Variants in FHIT observed in about 807,000 individuals in gnomAD.
FHIT encodes bis(5'-adenosyl)-triphosphatase.
In FHIT, 19 loss-of-function variants were observed where a neutral mutation model predicts 17.9. The ratio of observed to expected loss-of-function variants is 1.06; its 90% CI spans 0.74 to 1.56. The LOEUF (loss-of-function observed/expected upper bound fraction) is 1.56, where lower values mean the gene tolerates loss of function less well. FHIT is among the 40% of genes most tolerant of loss of function. FHIT has a pLI of 0.00. For synonymous variants in FHIT, 81 were observed against 69.7 expected, an observed-to-expected ratio of 1.16 and a Z score of -0.81; for missense variants, 248 against 189.2, an observed-to-expected ratio of 1.31 and a Z score of -1.82.
At chr3:60,696,761 T>A (rs1340829155) in intron 4 of FHIT, among the ~76,000 whole-genome samples, 1 of 152,120 alleles carries the variant, frequency 6.6e-6, no homozygotes, top group Admixed American at 6.6e-5. Context: ...GAATAATAAA[T>A]CAAAAGGCTC....
At chr3:60,113,875 G>C (rs927432317) in intron 5 of FHIT, among the ~76,000 whole-genome samples, 1 of 146,114 alleles carries the variant, frequency 6.8e-6, no homozygotes, top group Non-Finnish European at 1.5e-5. Flanking sequence ...GGTGGCGGGC[G>C]CCTGTAGTCC....
At chr3:61,197,849 T>C (rs1473591319) in intron 2 of FHIT, among the ~76,000 whole-genome samples, 2 of 151,910 alleles carry the variant, frequency 1.3e-5, no homozygotes, top group Non-Finnish European at 2.9e-5. Flanking sequence ...CCGCTTCTCT[T>C]CTCATTTCCA....
intron 3 of FHIT, among the ~76,000 whole-genome samples, chr3:61,021,079 T>C (rs2032397858): frequency 6.6e-6 from 1 of 152,080 alleles, no homozygotes; most frequent in African/African-American, 2.4e-5. Flanking sequence ...CACAGAATAA[T>C]ACTGGGAGAC....
At chr3:60,372,656 A>G (rs1450648112) in intron 5 of FHIT, among the ~76,000 whole-genome samples, 1 of 152,228 alleles carries the variant, frequency 6.6e-6, no homozygotes. Context: ...ATATAAAATT[A>G]GTGACATCTA....
intron 7 of FHIT, among the ~76,000 whole-genome samples, chr3:60,002,784 A>T (rs1433920733): frequency 6.6e-6 from 1 of 152,176 alleles, no homozygotes; most frequent in Non-Finnish European, 1.5e-5. Flanking sequence ...TAAAGGGTAA[A>T]GAGAAGCGCC....
intron 7 of FHIT, among the ~76,000 whole-genome samples, chr3:59,996,632 G>T (rs1699522903): frequency 6.6e-6 from 1 of 151,896 alleles, no homozygotes; most frequent in Non-Finnish European, 1.5e-5. Context: ...GAGTCCAAAG[G>T]GCTCCAGACA....
chr3:60,311,533 T>A (rs1447258644), intron 5 of FHIT, among the ~76,000 whole-genome samples: 1 of 152,206 alleles, frequency 6.6e-6, no homozygotes, highest in Admixed American at 6.5e-5. Flanking sequence ...TGAGTGTATA[T>A]TAGGCAGGCA....
In FHIT at chr3:60,132,457, A is replaced by C. The variant is rs1699635008; in HGVS notation, c.104-118305T>G. On this transcript the variant is annotated intron_variant, in intron 5 of 9. Coordinates refer to ENST00000492590, the MANE Select transcript of FHIT (RefSeq NM_002012.4). ...ACCATTTGAAAAGGGGGGAAAAATTATAAGGCTAGCAAAAGTTAATGGTAT... is the reference window on the plus strand; with the variant it reads ...ACCATTTGAAAAGGGGGGAAAAATTCTAAGGCTAGCAAAAGTTAATGGTAT... 2.0e-5 allele frequency among the ~76,000 whole-genome samples: 3 copies of C among 152,218 alleles called. No individual in the cohort carries two copies. The South Asian group carries it at 6.2e-4, about 32-fold the overall frequency.
chr3:60,988,382 T>G lies in FHIT; in HGVS notation c.-111+53665A>C, dbSNP rs576021481. Reference sequence around the variant, plus strand: ...TGCAATACTGTGATGAACAAAAGAATCCCTACGTGATGGAGCCATCAATCT... The same window carrying G: ...TGCAATACTGTGATGAACAAAAGAAGCCCTACGTGATGGAGCCATCAATCT... On this transcript the variant is annotated intron_variant, in intron 3 of 9. Coordinates refer to ENST00000492590, the MANE Select transcript of FHIT (RefSeq NM_002012.4). Among the ~76,000 whole-genome samples, 451 of 152,250 alleles carry G rather than the reference T, an allele frequency of 3.0e-3. 1 individual carries two copies. The highest frequency in any genetic ancestry group is 4.5e-3 in the Non-Finnish European group (306 of 68,018).
At chr3:60,873,973 A>G (rs1406800684) in intron 3 of FHIT, among the ~76,000 whole-genome samples, 2 of 152,096 alleles carry the variant, frequency 1.3e-5, no homozygotes, top group South Asian at 4.1e-4. Flanking sequence ...ATAAAATATC[A>G]CTATTTATAT....
intron 4 of FHIT, among the ~76,000 whole-genome samples, chr3:60,787,910 C>G (rs1252535491): frequency 6.6e-6 from 1 of 151,910 alleles, no homozygotes; most frequent in Non-Finnish European, 1.5e-5. Context: ...CATAATGGCC[C>G]CAAAAGAACA....
chr3:60,619,883 CA>C (rs782383552), intron 4 of FHIT, among the ~76,000 whole-genome samples: 1 of 151,906 alleles, frequency 6.6e-6, no homozygotes, highest in Admixed American at 6.6e-5. Flanking sequence ...AAAGACAAGC[CA>C]AAGGCTAGGA....
At chr3:60,234,915 G>A (rs552782610) in intron 5 of FHIT, among the ~76,000 whole-genome samples, 11 of 152,188 alleles carry the variant, frequency 7.2e-5, no homozygotes, top group African/African-American at 1.4e-4. Context: ...TATCACATTC[G>A]AGGATAACTG....
intron 8 of FHIT, among the ~76,000 whole-genome samples, chr3:59,784,813 T>C (rs570761810): frequency 6.6e-6 from 1 of 152,322 alleles, no homozygotes; most frequent in Non-Finnish European, 1.5e-5. Context: ...AATACTATTT[T>C]ATTTTTGATT....
At chr3:60,946,384 G>C (rs1708640670) in intron 3 of FHIT, among the ~76,000 whole-genome samples, 1 of 152,140 alleles carries the variant, frequency 6.6e-6, no homozygotes. Flanking sequence ...ATGACATTTA[G>C]CATCCTTAAC....
chr3:60,628,115 A>G (rs1053830379), intron 4 of FHIT, among the ~76,000 whole-genome samples: 4 of 152,202 alleles, frequency 2.6e-5, no homozygotes, highest in Non-Finnish European at 4.4e-5. Context: ...GCCCTGTTTT[A>G]GTTGCATTCT....
intron 4 of FHIT, among the ~76,000 whole-genome samples, chr3:60,696,133 A>AGAAG (rs1210421718): frequency 6.6e-6 from 1 of 152,012 alleles, no homozygotes; most frequent in Non-Finnish European, 1.5e-5. Context: ...AAGGAAGGAA[A>AGAAG]GAAGGAAGGA....
At chr3:60,082,085 T>C (rs1209108693) in intron 5 of FHIT, among the ~76,000 whole-genome samples, 1 of 152,032 alleles carries the variant, frequency 6.6e-6, no homozygotes, top group Non-Finnish European at 1.5e-5. Flanking sequence ...GTAGTGAGCA[T>C]AGTACCCAAT....
rs576258399 is a variant in FHIT, at chr3:59,880,663, A to G, written c.348+41683T>C. 5.9e-5 allele frequency among the ~76,000 whole-genome samples: 9 copies of G among 152,332 alleles called. 1 individual carries two copies. Among genetic ancestry groups the G allele is most frequent in the African/African-American group, 2.2e-4 (9 of 41,580 alleles). ...TATAAATGACAGCGTTTTGAAGACT[A>G]AATCACTTTATCAATGTAAAGAGCC... is the stretch of plus-strand genomic sequence containing the variant. On this transcript the variant is annotated intron_variant, in intron 8 of 9. Transcript: ENST00000492590.
Sources: allele counts gnomAD v4.1 joint callset (sites outside exome capture counted in the v4.1 genomes callset), GRCh38; gene constraint gnomAD v4.1.1; transcripts MANE v1.5; gene names NCBI Gene and HGNC (gene_info 2026-07-23, HGNC 2026-07-21).